AKR1B15: variants seen among roughly 807,000 people sequenced by gnomAD.
The protein encoded by AKR1B15 is estradiol 17-beta-dehydrogenase AKR1B15.
In AKR1B15, 49 loss-of-function variants were observed where a neutral mutation model predicts 38.5. The ratio of observed to expected loss-of-function variants is 1.27; its 90% CI spans 1.01 to 1.62. AKR1B15 has a LOEUF of 1.62. AKR1B15 is among the 40% of genes most tolerant of loss of function. AKR1B15 has a pLI of 0.00. For missense variants in AKR1B15, 411 were observed against 381.6 expected (o/e 1.08, Z -0.64); for synonymous variants, 137 against 135.5 (o/e 1.01, Z -0.08).
intron 11 of AKR1B15, among the ~76,000 whole-genome samples, chr7:134,578,114 G>A (rs924642038): frequency 2.0e-5 from 3 of 152,084 alleles, no homozygotes; most frequent in African/African-American, 7.2e-5. Flanking sequence ...TAGGTGCTTG[G>A]GTTATCATAC....
At position 134,579,632 on chromosome 7, in the gene AKR1B15, C is replaced by A; in HGVS notation, c.*83C>A. On this transcript the variant is annotated 3_prime_UTR_variant, in exon 12 of 12. Coordinates refer to ENST00000457545, the MANE Select transcript of AKR1B15 (RefSeq NM_001080538.3). ...TGTCTCCACTCAAGAACTATTTTAG[C>A]CAAGCTTATCTGAGATCACAGTGAA... 7.9e-7 allele frequency: 1 copy of A among 1,272,570 alleles called. No individual in the cohort carries two copies. 78.8% of individuals were successfully genotyped at this position (1,272,570 alleles called of 1,614,324 possible).
rs530258799 is a variant in AKR1B15 at position 134,568,317 on chromosome 7, G to C, written c.310G>C (p.Val104Leu). 2.5e-6 allele frequency: 4 copies of C among 1,613,940 alleles called. No individual in the cohort carries two copies. Among genetic ancestry groups the C allele is most frequent in the Non-Finnish European group, 3.4e-6 (4 of 1,179,966 alleles). Residue 104 changes from valine to leucine, a missense_variant, in exon 4 of 12, where the codon GTC (valine) becomes CTC (leucine). Physicochemically the swap from Val to Leu is conservative, Grantham distance 32 (BLOSUM62 1). Transcript: ENST00000457545. ...KAVMREDLFI[V>L]SKVWPTFFER... ...TGTGATGCGGGAGGACCTGTTCATC[G>C]TCAGCAAGGTGCACATGGCGCATTT... is the stretch of plus-strand genomic sequence containing the variant.
intron 2 of AKR1B15, among the ~76,000 whole-genome samples, chr7:134,563,435 C>A (rs958152402): frequency 6.6e-6 from 1 of 152,164 alleles, no homozygotes; most frequent in Non-Finnish European, 1.5e-5. Context: ...GTAATCGCAG[C>A]TATTCAGGAT....
intron 6 of AKR1B15, among the ~76,000 whole-genome samples, chr7:134,572,456 G>C (rs1794686851): frequency 6.6e-6 from 1 of 152,004 alleles, no homozygotes; most frequent in Non-Finnish European, 1.5e-5. Context: ...GTAAAACGCT[G>C]TCTCTACTAA....
In AKR1B15 at chr7:134,559,894, G is replaced by T. The variant is rs180673039; in HGVS notation, c.-23+3035G>T. Among the ~76,000 whole-genome samples, 40 of 152,260 alleles carry T rather than the reference G, an allele frequency of 2.6e-4. No homozygotes were observed. In the East Asian group the frequency reaches 7.3e-3, roughly 28 times the overall value. On this transcript the variant is annotated intron_variant, in intron 2 of 11. Transcript: ENST00000457545. ...GGAGGCCAAGGCAGGCAGATCCCAAGGTCAGGAGATTGAGACCATCCTGGC... is the reference window on the plus strand; with the variant it reads ...GGAGGCCAAGGCAGGCAGATCCCAATGTCAGGAGATTGAGACCATCCTGGC...
intron 2 of AKR1B15, among the ~76,000 whole-genome samples, chr7:134,561,613 G>C (rs1209087133): frequency 2.0e-5 from 3 of 152,174 alleles, no homozygotes; most frequent in African/African-American, 7.2e-5. Flanking sequence ...CCTTCTATGA[G>C]CTGTCGTAAG....
chr7:134,558,167 C>A (rs747021194), intron 2 of AKR1B15, among the ~76,000 whole-genome samples: 20 of 152,090 alleles, frequency 1.3e-4, no homozygotes, highest in Admixed American at 3.3e-4. Flanking sequence ...AGAATTTACA[C>A]CCTGGCCAAA....
chr7:134,565,326 C>T, intron 3 of AKR1B15: 2 of 1,266,984 alleles, frequency 1.6e-6, no homozygotes, highest in South Asian at 1.5e-5. Flanking sequence ...AAACTCCAGA[C>T]ACAACATCTT....
chr7:134,569,335 T>G, intron 4 of AKR1B15, 78 bp from the exon 5 acceptor site: 1 of 1,554,948 alleles, frequency 6.4e-7, no homozygotes, highest in Non-Finnish European at 8.8e-7. Context: ...AGGATGCAAA[T>G]CAAAAAGCAG....
At chr7:134,560,278 C>T (rs1447134147) in intron 2 of AKR1B15, among the ~76,000 whole-genome samples, 3 of 152,168 alleles carry the variant, frequency 2.0e-5, no homozygotes, top group African/African-American at 7.2e-5. Flanking sequence ...TACAATGCTG[C>T]TACCTATGAA....
intron 2 of AKR1B15, among the ~76,000 whole-genome samples, chr7:134,562,887 T>TTCTTTCTTCC (rs1794450456): frequency 8.3e-6 from 1 of 119,982 alleles, no homozygotes; most frequent in Non-Finnish European, 1.8e-5. Context: ...TCTTTCTTTC[T>TTCTTTCTTCC]TTCCTTCTTT....
At chr7:134,553,176 C>T (rs1323984663) in intron 1 of AKR1B15, among the ~76,000 whole-genome samples, 1 of 152,172 alleles carries the variant, frequency 6.6e-6, no homozygotes, top group Non-Finnish European at 1.5e-5. Flanking sequence ...GAGACAGGTA[C>T]ATGAATTCCT....
intron 1 of AKR1B15, among the ~76,000 whole-genome samples, chr7:134,550,803 C>A (rs1793940978): frequency 1.3e-5 from 2 of 152,114 alleles, no homozygotes; most frequent in African/African-American, 4.8e-5. Context: ...ATTACGGGGT[C>A]CGCCTTAAAA....
In AKR1B15 at chr7:134,565,253, C is replaced by G; in HGVS notation, c.150+484C>G. On this transcript the variant is annotated intron_variant, in intron 3 of 11. Coordinates refer to ENST00000457545, the MANE Select transcript of AKR1B15 (RefSeq NM_001080538.3). ...CACCACGACAGTCTGCGGCTTCATTCTTGAAGTCAGCGACACCACAAACCC... is the reference window on the plus strand; with the variant it reads ...CACCACGACAGTCTGCGGCTTCATTGTTGAAGTCAGCGACACCACAAACCC... 6.5e-6 allele frequency: 4 copies of G among 615,566 alleles called. No individual in the cohort carries two copies. The South Asian group carries it at 8.7e-5, about 13-fold the overall frequency. 38.1% of individuals were successfully genotyped at this position (615,566 alleles called of 1,614,324 possible).
chr7:134,575,701 A>T (rs1732025), intron 7 of AKR1B15, 120 bp from the exon 8 acceptor site: 6 of 1,582,098 alleles, frequency 3.8e-6, no homozygotes, highest in South Asian at 2.4e-5. Context: ...ATTTAGCAAG[A>T]ATCTCAGTGC....
At chr7:134,568,539 TC>T (rs1169669821) in intron 4 of AKR1B15, among the ~76,000 whole-genome samples, 1 of 152,232 alleles carries the variant, frequency 6.6e-6, no homozygotes, top group Non-Finnish European at 1.5e-5. Flanking sequence ...GGGTTGGATT[TC>T]CCATAGTGGG....
At position 134,577,778 on chromosome 7, in the gene AKR1B15, C is replaced by T. The variant is rs565703346; in HGVS notation, c.984C>T (p.Asp328=). 5.0e-6 allele frequency: 8 copies of T among 1,613,764 alleles called. No homozygotes were observed. Among genetic ancestry groups the T allele is most frequent in the Non-Finnish European group, 6.8e-6 (8 of 1,179,920 alleles). The part of the protein sequence containing the change: ...LSFNRNWRAF[D]FKEFSHLEDF... Reference sequence around the variant, plus strand: ...TCAACAGAAACTGGAGGGCCTTTGACTTCAAGGAGTAAGTGGCATGGAGTT... The same window carrying T: ...TCAACAGAAACTGGAGGGCCTTTGATTTCAAGGAGTAAGTGGCATGGAGTT... Residue 328 remains aspartate, a synonymous_variant, in exon 11 of 12, where the codon GAC becomes GAT. Coordinates refer to ENST00000457545, the MANE Select transcript of AKR1B15 (RefSeq NM_001080538.3).
chr7:134,575,842 A>G lies in AKR1B15; in HGVS notation c.658A>G (p.Thr220Ala). 6.2e-7 allele frequency: 1 copy of G among 1,613,770 alleles called. No homozygotes were observed. Among genetic ancestry groups the G allele is most frequent in the Non-Finnish European group, 8.5e-7 (1 of 1,179,812 alleles). Residue 220 changes from threonine (T) to alanine (A), a missense_variant, in exon 8 of 12, where the codon ACG (threonine) becomes GCG (alanine). This residue lies in a region of AKR1B15 where 24 missense variants were observed against 48.9 expected (regional missense o/e 0.49). Transcript: ENST00000457545. ...GCAGGTTGAGTGTCACCCATACCTC[A>G]CGCAGGAGAAACTGATCCAGTACTG... ...TNQVECHPYL[T>A]QEKLIQYCHS...
chr7:134,575,543 G>A lies in AKR1B15; in HGVS notation c.636+1G>A. 1 of 1,613,794 alleles carries A rather than the reference G, an allele frequency of 6.2e-7. No homozygotes were observed. The highest frequency in any genetic ancestry group is 8.5e-7 in the Non-Finnish European group (1 of 1,179,778). On this transcript the variant is annotated splice_donor_variant, in intron 7 of 11. Coordinates refer to ENST00000457545, the MANE Select transcript of AKR1B15 (RefSeq NM_001080538.3). LOFTEE classifies it high-confidence loss of function. ...GAAATATAAACCAGTGACTAACCAG[G>A]TAAATTCTATTCAGTTTAAGGGTAA...
Sources: gnomAD v4.1 joint callset for allele counts (sites outside exome capture counted in the v4.1 genomes callset) on GRCh38, gnomAD v4.1.1 for gene constraint, gnomAD v4.1.1 regional missense constraint, MANE v1.5 for transcripts, NCBI Gene and HGNC (gene_info 2026-07-23, HGNC 2026-07-21) for gene names.